ZNF202: variants seen among roughly 807,000 people sequenced by gnomAD.
ZNF202 encodes zinc finger protein 202.
ZNF202 carries 22 observed loss-of-function variants against 54.5 expected under a neutral mutation model. That is an observed-to-expected ratio of 0.40 (90% CI 0.29 to 0.58). The LOEUF (loss-of-function observed/expected upper bound fraction) is 0.58, where lower values mean the gene tolerates loss of function less well. ZNF202 is among the 20% of genes least tolerant of loss of function. The probability of loss-of-function intolerance (pLI) is 0.39; values close to 1 mark genes in which losing one functional copy is unlikely to be tolerated. For synonymous variants in ZNF202, 294 were observed against 301.4 expected, an observed-to-expected ratio of 0.98 and a Z score of 0.26; for missense variants, 644 against 805.5, an observed-to-expected ratio of 0.80 and a Z score of 2.43.
chr11:123,728,965 A>C (rs1378526467), intron 6 of ZNF202, among the ~76,000 whole-genome samples, 161 bp downstream of exon 6: 1 of 152,180 alleles, frequency 6.6e-6, no homozygotes, highest in Admixed American at 6.5e-5. Context: ...AAGGTATGAT[A>C]ATTTATCTCA....
At chr11:123,736,575 C>T (rs527920619) in intron 3 of ZNF202, among the ~76,000 whole-genome samples, 6 of 152,278 alleles carry the variant, frequency 3.9e-5, no homozygotes, top group South Asian at 2.1e-4. Context: ...TTCTTTAAAA[C>T]GAAAGATTAG....
rs918165539 is a variant in ZNF202 at position 123,730,401 on chromosome 11, G to A, written c.402+86C>T. ...GGCAGAGCCCACTAATAATTTATGGGGATCCTGCAAGCTCTCCCCGCAAAT... is the reference window on the plus strand; with the variant it reads ...GGCAGAGCCCACTAATAATTTATGGAGATCCTGCAAGCTCTCCCCGCAAAT... On this transcript the variant is annotated intron_variant, in intron 4 of 8. Coordinates refer to ENST00000530393, the MANE Select transcript of ZNF202 (RefSeq NM_003455.4). This position sits in a 1 kb window ranked among gnomAD's most constrained non-coding sequence, Gnocchi z 6.0. 27 of 1,459,516 alleles carry A rather than the reference G, an allele frequency of 1.8e-5. No individual in the cohort carries two copies. The African/African-American group carries it at 3.2e-4, about 18-fold the overall frequency. 90.4% of individuals were successfully genotyped at this position (1,459,516 alleles called of 1,614,324 possible). A position where few individuals can be genotyped will look rare whatever the true frequency, so the allele number is the denominator to read the frequency against.
At position 123,729,839 on chromosome 11, in the gene ZNF202, C is replaced by A; in HGVS notation, c.403-14G>T. 1 of 1,584,974 alleles carries A rather than the reference C, an allele frequency of 6.3e-7. No homozygotes were observed. Among genetic ancestry groups the A allele is most frequent in the Non-Finnish European group, 8.6e-7 (1 of 1,167,106 alleles). On this transcript the variant is annotated splice_polypyrimidine_tract_variant and intron_variant, in intron 4 of 8. Coordinates refer to ENST00000530393, the MANE Select transcript of ZNF202 (RefSeq NM_003455.4). ...ATGGACAGTCACCTGGGAATAATTC[C>A]AACTTCCAGTCACCATGGAGTCAGG... is the stretch of plus-strand genomic sequence containing the variant.
chr11:123,736,029 C>G (rs1468683293), intron 3 of ZNF202, among the ~76,000 whole-genome samples: 1 of 152,170 alleles, frequency 6.6e-6, no homozygotes, highest in Non-Finnish European at 1.5e-5. Context: ...TGCAAAGATA[C>G]AACCTAGTGT....
At position 123,729,704 on chromosome 11, in the gene ZNF202, G is replaced by A. The variant is rs1021844177; in HGVS notation, c.524C>T (p.Pro175Leu). ...PVQSSTPEQS[P>L]EETTQSPDLG... ...ATCTGGGCTCTGTGTGGTTTCCTCA[G>A]GAGACTGCTCGGGGGTCGAGCTTTG... Residue 175 changes from proline (P) to leucine (L), a missense_variant, in exon 5 of 9, where the codon CCT becomes CTT. This residue lies in a region of ZNF202 where 536 missense variants were observed against 635.3 expected (regional missense o/e 0.84). Transcript: ENST00000530393. The A allele has an allele frequency of 6.2e-7, 1 of 1,613,630 alleles. No homozygotes were observed. The highest frequency in any genetic ancestry group is 1.3e-5 in the African/African-American group (1 of 74,892).
Position 123,731,046 on chromosome 11 carries a change from G to A in ZNF202, c.-97-61C>T, listed in dbSNP as rs887370295. 6.4e-6 allele frequency: 5 copies of A among 781,224 alleles called. No homozygotes were observed. In the African/African-American group the frequency reaches 7.0e-5, roughly 11 times the overall value. 48.4% of individuals were successfully genotyped at this position (781,224 alleles called of 1,614,324 possible). A position where few individuals can be genotyped will look rare whatever the true frequency, so the allele number is the denominator to read the frequency against. On this transcript the variant is annotated intron_variant, in intron 3 of 8. Coordinates refer to ENST00000530393, the MANE Select transcript of ZNF202 (RefSeq NM_003455.4). ...CATGAAACTATACACAAGGACAACA[G>A]CCTGAGTTCAATCATAATCCTCTAC... is the stretch of plus-strand genomic sequence containing the variant.
intron 6 of ZNF202, 152 bp from the exon 7 acceptor site, chr11:123,728,414 T>G: frequency 3.9e-6 from 4 of 1,017,568 alleles, no homozygotes; most frequent in South Asian, 2.0e-5. Flanking sequence ...GGGAGCCATG[T>G]GTCCCCTGTG....
chr11:123,726,947 G>T lies in ZNF202; in HGVS notation c.997C>A (p.Leu333Met). 1.9e-6 allele frequency: 3 copies of T among 1,613,710 alleles called. No individual in the cohort carries two copies. The highest frequency in any genetic ancestry group is 2.5e-6 in the Non-Finnish European group (3 of 1,179,972). The change falls in exon 9 of 9, where the codon CTG becomes ATG. Residue 333 changes from leucine (L) to methionine (M), a missense_variant. Leu to Met is a conservative substitution (Grantham distance 15). Around this residue, in one of 3 missense-constraint regions of ZNF202, gnomAD observed 536 missense variants for 635.3 expected, o/e 0.84. Coordinates refer to ENST00000530393, the MANE Select transcript of ZNF202 (RefSeq NM_003455.4). The surrounding 1 kb of genome is among the most constrained non-coding windows in gnomAD (Gnocchi z 6.0). ...GGCCTGTGTATATCCTCCAAACTCA[G>T]ATCTTCCTGCTCCAGACACTCTTCC... The part of the protein sequence containing the change: ...DEEECLEQED[L>M]SLEDIHRPVL...
Position 123,730,171 on chromosome 11 carries a change from T to C in ZNF202, c.402+316A>G, listed in dbSNP as rs569774159. Among the ~76,000 whole-genome samples the C allele has an allele frequency of 3.9e-4, 59 of 152,244 alleles. No homozygotes were observed. The highest frequency in any genetic ancestry group is 1.4e-3 in the African/African-American group (58 of 41,534). ...AGGGGGATCTGTGACTGGGGATCTA[T>C]GAGAACCTTCGAGGAAGTCACAAAA... On this transcript the variant is annotated intron_variant, in intron 4 of 8. Transcript: ENST00000530393. This position sits in a 1 kb window ranked among gnomAD's most constrained non-coding sequence, Gnocchi z 6.0.
At chr11:123,738,268 C>T (rs529546461) in intron 3 of ZNF202, among the ~76,000 whole-genome samples, 1 of 152,152 alleles carries the variant, frequency 6.6e-6, no homozygotes, top group South Asian at 2.1e-4. Flanking sequence ...GCTTTGGCCT[C>T]CCAAAGTGTT....
At chr11:123,738,454 T>C (rs1861721445) in intron 3 of ZNF202, among the ~76,000 whole-genome samples, 1 of 152,202 alleles carries the variant, frequency 6.6e-6, no homozygotes, top group Non-Finnish European at 1.5e-5. Flanking sequence ...GAGGTCAAGC[T>C]ATATGTCTCA....
rs1861803150 is a variant in ZNF202, at chr11:123,740,177, T to C, written c.-158A>G. ...CATTGTGGTAAACCTTGTTGTACCC[T>C]TGGAATGATTGTCTACTGCAATATA... On this transcript the variant is annotated 5_prime_UTR_variant, in exon 3 of 9. Transcript: ENST00000530393. The C allele has an allele frequency of 1.3e-5, 2 of 152,242 alleles. No homozygotes were observed. Among genetic ancestry groups the C allele is most frequent in the South Asian group, 2.1e-4 (1 of 4,834 alleles). The allele number at this position is 152,242 out of a possible 1,614,324, so 9.4% of individuals were successfully genotyped here. A position where few individuals can be genotyped will look rare whatever the true frequency, so the allele number is the denominator to read the frequency against.
intron 3 of ZNF202, among the ~76,000 whole-genome samples, chr11:123,734,863 T>C (rs1344556277): frequency 6.6e-6 from 1 of 152,132 alleles, no homozygotes; most frequent in African/African-American, 2.4e-5. Context: ...GATAAAGGCA[T>C]ACATAGGGAA....
At chr11:123,728,952 T>C (rs1861278655) in intron 6 of ZNF202, among the ~76,000 whole-genome samples, 174 bp downstream of exon 6, 1 of 152,192 alleles carries the variant, frequency 6.6e-6, no homozygotes, top group African/African-American at 2.4e-5. Context: ...GTGGATCCAA[T>C]ATAAGGTATG....
intron 7 of ZNF202, 83 bp from the exon 8 acceptor site, chr11:123,727,678 T>C: frequency 6.4e-7 from 1 of 1,558,326 alleles, no homozygotes; most frequent in Non-Finnish European, 8.7e-7. Flanking sequence ...ATTTGGTAGG[T>C]TGTGGGGCAA....
intron 3 of ZNF202, among the ~76,000 whole-genome samples, chr11:123,731,721 GATTAAATGTATTACTAAAGCCTATGAGC>G (rs1238058075): frequency 1.3e-5 from 2 of 152,136 alleles, no homozygotes; most frequent in Admixed American, 6.5e-5. Flanking sequence ...TTACTGTAAG[GATTAAATGTATTACTAAAGCCTATGAGC>G]ATTAAATGTA....
intron 6 of ZNF202, 76 bp from the exon 7 acceptor site, chr11:123,728,338 C>T (rs1591376101): frequency 6.8e-7 from 1 of 1,480,162 alleles, no homozygotes; most frequent in East Asian, 2.7e-5. Flanking sequence ...GAAGGTCATA[C>T]AATAGGTGGA....
chr11:123,727,110 G>C, intron 8 of ZNF202, 119 bp from the exon 9 acceptor site: 1 of 1,278,340 alleles, frequency 7.8e-7, no homozygotes, highest in African/African-American at 1.5e-5. Flanking sequence ...TGCCTGTCCT[G>C]TGCCAAGCAC....
chr11:123,732,216 A>G (rs1861436705), intron 3 of ZNF202, among the ~76,000 whole-genome samples: 1 of 152,112 alleles, frequency 6.6e-6, no homozygotes, highest in Non-Finnish European at 1.5e-5. Context: ...CAGATTTGTC[A>G]CCTTCACGTA....
Sources: gnomAD v4.1 joint callset for allele counts (sites outside exome capture counted in the v4.1 genomes callset) on GRCh38, gnomAD v4.1.1 for gene constraint, gnomAD v4.1.1 regional missense constraint, Gnocchi (gnomAD v3.1) non-coding constraint, MANE v1.5 for transcripts, NCBI Gene and HGNC (gene_info 2026-07-23, HGNC 2026-07-21) for gene names.